Variants in ABCC1 observed in about 807,000 individuals in gnomAD.
ABCC1 encodes ATP binding cassette subfamily C member 1 (ABCC1 blood group).
Under a neutral mutation model 172.9 loss-of-function variants are expected in ABCC1, and 83 were observed. The ratio of observed to expected loss-of-function variants is 0.48; its 90% CI spans 0.40 to 0.58. The LOEUF is 0.58. Among genes scored for constraint, ABCC1 ranks in the 20% least tolerant of loss-of-function variants. The pLI, the probability that ABCC1 is intolerant of heterozygous loss-of-function variation, is 0.00. For synonymous variants in ABCC1, 937 were observed against 825.2 expected (o/e 1.14, Z -2.32); for missense variants, 1,817 against 2,002.7 (o/e 0.91, Z 1.77).
chr16:16,034,118 A>G (rs548744197), intron 6 of ABCC1, among the ~76,000 whole-genome samples: 14 of 128,244 alleles, frequency 1.1e-4, no homozygotes, highest in Admixed American at 3.1e-4. Flanking sequence ...GTCCCAATCT[A>G]CTGGGCTTAG....
chr16:16,114,617 AG>A (rs1395499183), intron 22 of ABCC1, 148 bp from the exon 23 acceptor site: 1 of 771,504 alleles, frequency 1.3e-6, no homozygotes, highest in Non-Finnish European at 2.0e-6. Context: ...CTGGGATTAC[AG>A]GTGTGAGCCA....
In ABCC1 at chr16:16,124,989, C is replaced by G. The variant is rs1027223048; in HGVS notation, c.3717+74C>G. 2.3e-5 allele frequency: 37 copies of G among 1,598,224 alleles called. No homozygotes were observed. In the Admixed American group the frequency reaches 2.5e-4, roughly 11 times the overall value. ...AGCCAGTTGTCCTTGGCTTTGGATT[C>G]CAGCTCCAACAGGAATGGGGGAGAG... On this transcript the variant is annotated intron_variant, in intron 25 of 30. Coordinates refer to ENST00000399410, the MANE Select transcript of ABCC1 (RefSeq NM_004996.4).
At chr16:16,055,188 C>T (rs1391022932) in intron 11 of ABCC1, among the ~76,000 whole-genome samples, 2 of 152,032 alleles carry the variant, frequency 1.3e-5, no homozygotes, top group Non-Finnish European at 2.9e-5. Context: ...TATGATCATG[C>T]CACTGCACTC....
chr16:16,083,022 G>A (rs1017605620), intron 16 of ABCC1, among the ~76,000 whole-genome samples: 4 of 152,120 alleles, frequency 2.6e-5, no homozygotes, highest in South Asian at 2.1e-4. Flanking sequence ...GTAGTTTTCC[G>A]TCACCTGAGG....
chr16:15,979,445 G>A (rs1438551602), intron 1 of ABCC1, among the ~76,000 whole-genome samples: 1 of 152,160 alleles, frequency 6.6e-6, no homozygotes, highest in Non-Finnish European at 1.5e-5. Context: ...AAGGCAGCAC[G>A]TGTAAGGTGA....
intron 22 of ABCC1, 72 bp downstream of exon 22, chr16:16,111,654 T>A: frequency 7.2e-7 from 1 of 1,380,778 alleles, no homozygotes; most frequent in Non-Finnish European, 9.9e-7. Context: ...TAGAAATGGA[T>A]CCTTAGAGTC....
At position 16,007,951 on chromosome 16, in the gene ABCC1, C is replaced by T. The variant is rs1173609341; in HGVS notation, c.184C>T (p.Arg62Ter). 7.5e-6 allele frequency: 12 copies of T among 1,606,880 alleles called. No individual in the cohort carries two copies. The highest frequency in any genetic ancestry group is 1.1e-5 in the South Asian group (1 of 89,984). ...CTTCCTCTATCTCTCCCGACATGAC[C>T]GAGGCTACATTCAGATGACACCTCT... is the stretch of plus-strand genomic sequence containing the variant. ...FYFLYLSRHD[R>*]GYIQMTPLNK... The change falls in exon 2 of 31, where the codon CGA becomes TGA. Residue 62 changes from arginine to a stop codon, truncating the protein, a stop_gained. Transcript: ENST00000399410. LOFTEE classifies it high-confidence loss of function.
At chr16:15,979,308 A>G (rs1353152139) in intron 1 of ABCC1, among the ~76,000 whole-genome samples, 1 of 151,628 alleles carries the variant, frequency 6.6e-6, no homozygotes, top group Non-Finnish European at 1.5e-5. Context: ...AAACAAACAA[A>G]CAAAAAAAAA....
chr16:16,116,256 C>G (rs2044859850), intron 23 of ABCC1, among the ~76,000 whole-genome samples: 1 of 151,870 alleles, frequency 6.6e-6, no homozygotes, highest in African/African-American at 2.4e-5. Flanking sequence ...GGAGCTCCAG[C>G]CATTATATCT....
In ABCC1 at chr16:16,114,754, G is replaced by A. The variant is rs763998794; in HGVS notation, c.3080-12G>A. 5.1e-6 allele frequency: 8 copies of A among 1,578,712 alleles called. No homozygotes were observed. In the East Asian group the frequency reaches 6.8e-5, roughly 13 times the overall value. The stretch of plus-strand genomic sequence containing the variant: ...CTCTGCATTGTGGAGTTTTAACTCC[G>A]AGTGTCTGCAGGGATCGCCGTGTTT... On this transcript the variant is annotated splice_polypyrimidine_tract_variant and intron_variant, in intron 22 of 30. Transcript: ENST00000399410.
intron 5 of ABCC1, among the ~76,000 whole-genome samples, chr16:16,020,703 T>A (rs552072232): frequency 1.3e-5 from 2 of 152,294 alleles, no homozygotes; most frequent in African/African-American, 4.8e-5. Flanking sequence ...TTGTCCCCTT[T>A]CCATTTGCAG....
At chr16:16,073,172 A>G (rs923654899) in intron 14 of ABCC1, among the ~76,000 whole-genome samples, 5 of 152,230 alleles carry the variant, frequency 3.3e-5, no homozygotes, top group African/African-American at 1.2e-4. Flanking sequence ...ATTACTCACC[A>G]TGGTACCCCT....
chr16:16,124,502 A>C (rs1376352101), intron 24 of ABCC1, among the ~76,000 whole-genome samples: 1 of 152,058 alleles, frequency 6.6e-6, no homozygotes, highest in Non-Finnish European at 1.5e-5. Context: ...GTTGGTTCTT[A>C]AAAAGGCAAG....
intron 1 of ABCC1, among the ~76,000 whole-genome samples, chr16:15,999,629 A>G (rs1449888926): frequency 2.0e-5 from 3 of 150,666 alleles, no homozygotes; most frequent in African/African-American, 7.3e-5. Context: ...AGAAAAAAAA[A>G]ATAGAAAAAG....
At chr16:16,073,951 G>A (rs907510978) in intron 14 of ABCC1, among the ~76,000 whole-genome samples, 2 of 152,322 alleles carry the variant, frequency 1.3e-5, no homozygotes, top group African/African-American at 4.8e-5. Context: ...GGTATCTTTA[G>A]TGGCACCTAA....
At chr16:16,086,404 G>A (rs1358399694) in intron 17 of ABCC1, among the ~76,000 whole-genome samples, 2 of 152,194 alleles carry the variant, frequency 1.3e-5, no homozygotes, top group Admixed American at 1.3e-4. Flanking sequence ...GTGCAGCTCT[G>A]CAGGGCCTTC....
intron 9 of ABCC1, among the ~76,000 whole-genome samples, chr16:16,046,994 A>C (rs910648827): frequency 8.6e-5 from 13 of 151,986 alleles, no homozygotes; most frequent in African/African-American, 3.1e-4. Context: ...TTGGAAGTTC[A>C]ATACCAGCCT....
chr16:16,104,567 T>C (rs1219743655), intron 20 of ABCC1, among the ~76,000 whole-genome samples: 1 of 152,202 alleles, frequency 6.6e-6, no homozygotes, highest in Non-Finnish European at 1.5e-5. Context: ...ATAAAGGGCC[T>C]CCAAGTCAGC....
chr16:15,970,492 C>A (rs992609110), intron 1 of ABCC1, among the ~76,000 whole-genome samples: 1 of 152,216 alleles, frequency 6.6e-6, no homozygotes, highest in African/African-American at 2.4e-5. Context: ...GCGCAGCTAG[C>A]AGTTTCTGCT....
Sources: allele counts gnomAD v4.1 joint callset (sites outside exome capture counted in the v4.1 genomes callset), GRCh38; gene constraint gnomAD v4.1.1; transcripts MANE v1.5; gene names NCBI Gene and HGNC (gene_info 2026-07-23, HGNC 2026-07-21).